The following KDM2B variants were observed in gnomAD, a reference collection of about 807,000 sequenced individuals.
The protein encoded by KDM2B is lysine demethylase 2B, also known as lysine-specific demethylase 2B.
A neutral mutation model predicts 150.0 loss-of-function variants in KDM2B; 26 were observed. The observed-to-expected ratio is 0.17, with a 90% confidence interval of 0.13 to 0.24. The LOEUF is 0.24. Among genes scored for constraint, KDM2B ranks in the 10% least tolerant of loss-of-function variants. The probability of loss-of-function intolerance (pLI) is 1.00; values close to 1 mark genes in which losing one functional copy is unlikely to be tolerated. For missense variants in KDM2B, 1,265 were observed against 1,816.9 expected (o/e 0.70, Z 5.52); for synonymous variants, 734 against 729.5 (o/e 1.01, Z -0.10).
At chr12:121,559,460 C>T (rs1890169342) in intron 4 of KDM2B, among the ~76,000 whole-genome samples, 1 of 152,154 alleles carries the variant, frequency 6.6e-6, no homozygotes, top group Admixed American at 6.6e-5. Context: ...CCTGTTCATG[C>T]CACACAGCTG....
intron 12 of KDM2B, among the ~76,000 whole-genome samples, chr12:121,489,118 T>C (rs1161137016): frequency 6.6e-6 from 1 of 151,824 alleles, no homozygotes; most frequent in Non-Finnish European, 1.5e-5. Context: ...TCTTTTTTGG[T>C]ATTTTTAGTA....
intron 13 of KDM2B, among the ~76,000 whole-genome samples, chr12:121,448,731 GCAGT>G: frequency 6.6e-6 from 1 of 152,342 alleles, no homozygotes; most frequent in African/African-American, 2.4e-5. Context: ...AGAAGGCAAG[GCAGT>G]CATCGTTCCT....
At chr12:121,481,188 C>T (rs1234055595) in intron 12 of KDM2B, among the ~76,000 whole-genome samples, 1 of 152,108 alleles carries the variant, frequency 6.6e-6, no homozygotes, top group Non-Finnish European at 1.5e-5. Context: ...GCCTCAGCCT[C>T]CCAAATTGTT....
intron 22 of KDM2B, among the ~76,000 whole-genome samples, chr12:121,437,678 A>C (rs868913239): frequency 6.6e-6 from 1 of 152,128 alleles, no homozygotes; most frequent in African/African-American, 2.4e-5. Flanking sequence ...GCACCCAGTA[A>C]ATTTTCCACG....
chr12:121,466,628 G>C (rs1350084872), intron 12 of KDM2B, among the ~76,000 whole-genome samples: 5 of 150,934 alleles, frequency 3.3e-5, no homozygotes, highest in African/African-American at 1.2e-4. Flanking sequence ...CGGCGGGCGC[G>C]CGGCGCCCAG....
intron 4 of KDM2B, among the ~76,000 whole-genome samples, chr12:121,551,996 C>T (rs1889540571): frequency 6.6e-6 from 1 of 152,176 alleles, no homozygotes; most frequent in Non-Finnish European, 1.5e-5. Context: ...TCACAGCAAC[C>T]TGGAAAAGCA....
At chr12:121,569,765 T>C (rs1239726236) in intron 4 of KDM2B, among the ~76,000 whole-genome samples, 2 of 152,184 alleles carry the variant, frequency 1.3e-5, no homozygotes, top group Non-Finnish European at 2.9e-5. Flanking sequence ...TCGCTCCATT[T>C]GATCATCACA....
intron 12 of KDM2B, among the ~76,000 whole-genome samples, chr12:121,458,850 G>A (rs2139079297): frequency 6.6e-6 from 1 of 151,950 alleles, no homozygotes; most frequent in African/African-American, 2.4e-5. Context: ...CACTTTGGGA[G>A]GCCAAGGTGG....
At chr12:121,564,539 T>C (rs1890563972) in intron 4 of KDM2B, among the ~76,000 whole-genome samples, 1 of 152,128 alleles carries the variant, frequency 6.6e-6, no homozygotes, top group Non-Finnish European at 1.5e-5. Context: ...TGTTAATAGA[T>C]GGTATAATTG....
At chr12:121,455,994 G>A (rs1019477014) in intron 12 of KDM2B, among the ~76,000 whole-genome samples, 1 of 152,222 alleles carries the variant, frequency 6.6e-6, no homozygotes, top group East Asian at 1.9e-4. Context: ...CGGCCATGCC[G>A]CGTGAGGGCA....
intron 12 of KDM2B, among the ~76,000 whole-genome samples, chr12:121,463,701 C>T (rs986138875): frequency 6.6e-6 from 1 of 152,190 alleles, no homozygotes; most frequent in Non-Finnish European, 1.5e-5. Context: ...CCACCTCAGC[C>T]TCCGAGTAGC....
chr12:121,580,433 G>A, intron 1 of KDM2B: 3 of 1,159,998 alleles, frequency 2.6e-6, no homozygotes, highest in Non-Finnish European at 3.2e-6. Context: ...CGCCGTTAGC[G>A]CCGTGGCATC....
At chr12:121,498,385 A>G (rs1884192407) in intron 11 of KDM2B, among the ~76,000 whole-genome samples, 1 of 152,200 alleles carries the variant, frequency 6.6e-6, no homozygotes, top group East Asian at 1.9e-4. Flanking sequence ...GGCCCATTTA[A>G]AAAGGGGCAA....
At position 121,520,951 on chromosome 12, in the gene KDM2B, G is replaced by A; in HGVS notation, c.1047+34C>T. 3.2e-6 allele frequency: 5 copies of A among 1,543,518 alleles called. No individual in the cohort carries two copies. Among genetic ancestry groups the A allele is most frequent in the Non-Finnish European group, 4.5e-6 (5 of 1,116,428 alleles). On this transcript the variant is annotated intron_variant, in intron 9 of 22. Coordinates refer to ENST00000377071, the MANE Select transcript of KDM2B (RefSeq NM_032590.5). This position sits in a 1 kb window ranked among gnomAD's most constrained non-coding sequence, Gnocchi z 4.5. Reference sequence around the variant, plus strand: ...AGCACCGGCAGAGCTCAGGGGCCAGGCGCGCACGCGAGGACAGAAGGGAAC... The same window carrying A: ...AGCACCGGCAGAGCTCAGGGGCCAGACGCGCACGCGAGGACAGAAGGGAAC...
At chr12:121,409,026 C>T in the KDM2B span, among the ~76,000 whole-genome samples, 7 of 151,826 alleles carry the variant, frequency 4.6e-5, no homozygotes. Flanking sequence ...GGCTGGAGTG[C>T]AGTGGTACAG....
chr12:121,580,321 C>A lies in KDM2B; in HGVS notation c.126+465G>T, dbSNP rs1199932726. ...ATTGTTGCCGATCGCGCTCGGAGCC[C>A]GCGGCCGGGCTATTTGGGGGGGCTC... On this transcript the variant is annotated intron_variant, in intron 1 of 22. Transcript: ENST00000377071. 4.3e-6 allele frequency: 5 copies of A among 1,165,822 alleles called. No homozygotes were observed. In the African/African-American group the frequency reaches 5.4e-5, roughly 13 times the overall value. The allele number at this position is 1,165,822 out of a possible 1,614,324, so 72.2% of individuals were successfully genotyped here.
intron 12 of KDM2B, among the ~76,000 whole-genome samples, chr12:121,470,781 G>A (rs1447209028): frequency 2.6e-5 from 4 of 152,232 alleles, no homozygotes; most frequent in African/African-American, 7.2e-5. Flanking sequence ...AGAAAATTAA[G>A]TGTCCCTTAC....
chr12:121,496,390 G>A (rs572487877), intron 11 of KDM2B, among the ~76,000 whole-genome samples: 10 of 152,076 alleles, frequency 6.6e-5, no homozygotes, highest in East Asian at 5.8e-4. Flanking sequence ...GAGCAGAAGC[G>A]CTCAGGAGAC....
chr12:121,438,566 C>T (rs1221786075), intron 22 of KDM2B, among the ~76,000 whole-genome samples: 2 of 152,166 alleles, frequency 1.3e-5, no homozygotes, highest in Non-Finnish European at 2.9e-5. Context: ...AGCCTCAATT[C>T]ACTCTGGTTC....
Sources: gnomAD v4.1 joint callset for allele counts (sites outside exome capture counted in the v4.1 genomes callset) on GRCh38, gnomAD v4.1.1 for gene constraint, Gnocchi (gnomAD v3.1) non-coding constraint, MANE v1.5 for transcripts, NCBI Gene and HGNC (gene_info 2026-07-23, HGNC 2026-07-21) for gene names.